The following MGRN1 variants were observed in gnomAD, a reference collection of about 807,000 sequenced individuals.
MGRN1 encodes the protein mahogunin ring finger 1, also known as E3 ubiquitin-protein ligase MGRN1.
A neutral mutation model predicts 69.2 loss-of-function variants in MGRN1; 29 were observed. The ratio of observed to expected loss-of-function variants is 0.42; its 90% confidence interval spans 0.31 to 0.57. The LOEUF is 0.57. Ranked by LOEUF, MGRN1 falls within the 20% of genes least tolerant of loss-of-function variation. The pLI, the probability that MGRN1 is intolerant of heterozygous loss-of-function variation, is 0.15. For synonymous variants in MGRN1, 470 were observed against 344.2 expected (o/e 1.37, Z -4.04); for missense variants, 998 against 796.2 (o/e 1.25, Z -3.05).
At chr16:4,661,305 G>A (rs2078675091) in intron 5 of MGRN1, among the ~76,000 whole-genome samples, 1 of 152,202 alleles carries the variant, frequency 6.6e-6, no homozygotes, top group African/African-American at 2.4e-5. Context: ...TCTGATGTGT[G>A]TGGACGTTTT....
At chr16:4,686,459 C>T in intron 16 of MGRN1, 4 of 1,417,244 alleles carry the variant, frequency 2.8e-6, no homozygotes, top group Non-Finnish European at 2.7e-6. Flanking sequence ...CCAGAGCTCT[C>T]CAGTGGCTGC....
In MGRN1 at chr16:4,652,816, C is replaced by A. The variant is rs1478748065; in HGVS notation, c.435C>A (p.Gly145=). ...YCQASEEFLN[G]RAVYSPKSPS... is the part of the protein sequence containing the mutation. ...AGGCATCGGAGGAGTTCCTGAACGG[C>A]AGGGCAGTGTGAGTCCCGCGGGCGG... The change falls in exon 4 of 17, where the codon GGC becomes GGA. Residue 145 remains glycine, a synonymous_variant. Transcript: ENST00000262370. 2 of 1,607,008 alleles carry A rather than the reference C, an allele frequency of 1.2e-6. No individual in the cohort carries two copies. Among genetic ancestry groups the A allele is most frequent in the South Asian group, 1.1e-5 (1 of 89,954 alleles).
At chr16:4,656,749 G>A (rs146487225) in intron 4 of MGRN1, among the ~76,000 whole-genome samples, 21 of 152,064 alleles carry the variant, frequency 1.4e-4, no homozygotes, top group African/African-American at 3.4e-4. Context: ...GCATGGTGGC[G>A]CACACCTGTA....
chr16:4,687,434 A>T, intron 16 of MGRN1: 1 of 905,440 alleles, frequency 1.1e-6, no homozygotes, highest in Non-Finnish European at 1.3e-6. Context: ...GGTCCCAGCT[A>T]CTCAGGGGTG....
chr16:4,668,657 CTCAG>C (rs1322320960), intron 8 of MGRN1, among the ~76,000 whole-genome samples: 2 of 151,778 alleles, frequency 1.3e-5, no homozygotes, highest in African/African-American at 2.4e-5. Context: ...CACTCATATA[CTCAG>C]TCACACACAT....
At chr16:4,639,491 G>A (rs2078110549) in intron 1 of MGRN1, among the ~76,000 whole-genome samples, 2 of 152,152 alleles carry the variant, frequency 1.3e-5, no homozygotes, top group Non-Finnish European at 2.9e-5. Flanking sequence ...ATTAGGCTGG[G>A]GGCATCTGGA....
chr16:4,671,541 C>G (rs895602358), intron 9 of MGRN1, 82 bp downstream of exon 9: 1 of 1,284,776 alleles, frequency 7.8e-7, no homozygotes, highest in Non-Finnish European at 1.1e-6. Flanking sequence ...CTTGCCGGTT[C>G]CCTTCCATGC....
At chr16:4,645,763 T>C (rs965519005) in intron 1 of MGRN1, among the ~76,000 whole-genome samples, 6 of 152,080 alleles carry the variant, frequency 3.9e-5, no homozygotes, top group African/African-American at 1.4e-4. Context: ...TGGCCTTGTC[T>C]GGGGCCTCGG....
At chr16:4,687,578 TACACACAC>T (rs60384408) in intron 16 of MGRN1, 50 of 931,904 alleles carry the variant, frequency 5.4e-5, no homozygotes, top group East Asian at 5.0e-4. Context: ...AAAAAAAAAA[TACACACAC>T]ACACACACAC....
intron 1 of MGRN1, among the ~76,000 whole-genome samples, chr16:4,632,040 G>A (rs532509523): frequency 8.8e-6 from 1 of 113,574 alleles, no homozygotes; most frequent in African/African-American, 3.9e-5. Flanking sequence ...TTGAGATGGA[G>A]TCTTGCTCTT....
At chr16:4,645,357 C>T (rs998883751) in intron 1 of MGRN1, among the ~76,000 whole-genome samples, 1 of 152,140 alleles carries the variant, frequency 6.6e-6, no homozygotes, top group African/African-American at 2.4e-5. Context: ...TTTGTAGAGA[C>T]AGCGTCTCCC....
At chr16:4,654,924 T>C (rs1482713793) in intron 4 of MGRN1, among the ~76,000 whole-genome samples, 2 of 152,260 alleles carry the variant, frequency 1.3e-5, no homozygotes, top group Admixed American at 6.5e-5. Flanking sequence ...TTCTAGACTT[T>C]GTTCTTTGAG....
At chr16:4,635,620 C>G (rs1898243341) in intron 1 of MGRN1, among the ~76,000 whole-genome samples, 1 of 151,484 alleles carries the variant, frequency 6.6e-6, no homozygotes, top group Non-Finnish European at 1.5e-5. Context: ...GTGTGGGCCA[C>G]CACACCCAGC....
chr16:4,637,852 T>C (rs968219653), intron 1 of MGRN1, among the ~76,000 whole-genome samples: 4 of 152,188 alleles, frequency 2.6e-5, no homozygotes, highest in Non-Finnish European at 4.4e-5. Context: ...CAGCCCTGTC[T>C]AGGGGGTGGG....
At chr16:4,664,849 C>A in intron 6 of MGRN1, 74 bp downstream of exon 6, 2 of 1,571,434 alleles carry the variant, frequency 1.3e-6, no homozygotes, top group Non-Finnish European at 1.8e-6. Context: ...GGGAGGAGTG[C>A]TTGCAGCAGT....
chr16:4,677,373 TG>T lies in MGRN1; in HGVS notation c.956-82del, dbSNP rs542885021. On this transcript the variant is annotated intron_variant, in intron 10 of 16. Coordinates refer to ENST00000262370, the MANE Select transcript of MGRN1 (RefSeq NM_015246.4). ...GGGTCACCCCAGGACCCCTATGGTGTGGGGGGGGTGTTGATCCCTGGGGCTG... is the reference window on the plus strand; with the variant it reads ...GGGTCACCCCAGGACCCCTATGGTGTGGGGGGGTGTTGATCCCTGGGGCTG... The T allele has an allele frequency of 1.4e-3, 1,301 of 948,970 alleles. 5 individuals carry two copies. Among genetic ancestry groups the T allele is most frequent in the African/African-American group, 0.012 (689 of 58,020 alleles). 58.8% of individuals were successfully genotyped at this position (948,970 alleles called of 1,614,324 possible). A position where few individuals can be genotyped will look rare whatever the true frequency, so the allele number is the denominator to read the frequency against.
chr16:4,680,413 G>A (rs900395738), intron 12 of MGRN1: 8 of 328,264 alleles, frequency 2.4e-5, no homozygotes, highest in Non-Finnish European at 4.6e-5. Flanking sequence ...AACTAACGTC[G>A]CTGCTGCGTT....
intron 4 of MGRN1, among the ~76,000 whole-genome samples, chr16:4,655,656 C>T (rs2078520561): frequency 6.6e-6 from 1 of 152,266 alleles, no homozygotes; most frequent in Non-Finnish European, 1.5e-5. Context: ...GTGCCACTGT[C>T]CCCCTCTCTC....
At chr16:4,674,546 C>G (rs2079010479) in intron 10 of MGRN1, among the ~76,000 whole-genome samples, 2 of 149,524 alleles carry the variant, frequency 1.3e-5, no homozygotes, top group African/African-American at 4.9e-5. Context: ...CTGGGCCTCC[C>G]AAAGTGCTGG....
Sources: allele counts gnomAD v4.1 joint callset (sites outside exome capture counted in the v4.1 genomes callset), GRCh38; gene constraint gnomAD v4.1.1; transcripts MANE v1.5; gene names NCBI Gene and HGNC (gene_info 2026-07-23, HGNC 2026-07-21).